PLXNC1: variants seen among roughly 807,000 people sequenced by gnomAD.
PLXNC1 encodes plexin C1.
Under a neutral mutation model 178.2 loss-of-function variants are expected in PLXNC1, and 75 were observed. That is an observed-to-expected ratio of 0.42 (90% CI 0.35 to 0.51). The LOEUF is 0.51. Among genes scored for constraint, PLXNC1 ranks in the 20% least tolerant of loss-of-function variants. The probability of loss-of-function intolerance (pLI) is 0.02; values close to 1 mark genes in which losing one functional copy is unlikely to be tolerated. For synonymous variants in PLXNC1, 790 were observed against 779.9 expected (o/e 1.01, Z -0.22); for missense variants, 1,503 against 1,984.4 (o/e 0.76, Z 4.61).
chr12:94,261,870 AT>A lies in PLXNC1; in HGVS notation c.3450+1040del, dbSNP rs914088020. Among the ~76,000 whole-genome samples the A allele has an allele frequency of 7.4e-3, 1,114 of 151,190 alleles. 15 individuals are homozygous for A. Among genetic ancestry groups the A allele is most frequent in the African/African-American group, 0.025 (1,046 of 41,362 alleles). ...CAATCTTACAAGTAGATGCACAACAATTTTTTTTTTAATTTCTCACCAACCC... is the reference window on the plus strand; with the variant it reads ...CAATCTTACAAGTAGATGCACAACAATTTTTTTTTAATTTCTCACCAACCC... On this transcript the variant is annotated intron_variant, in intron 20 of 30. Transcript: ENST00000258526.
chr12:94,196,740 G>C (rs917511072), intron 4 of PLXNC1, among the ~76,000 whole-genome samples: 3 of 152,116 alleles, frequency 2.0e-5, no homozygotes, highest in Non-Finnish European at 4.4e-5. Context: ...AGTGTGCATG[G>C]GTAGAGAAGA....
At position 94,212,722 on chromosome 12, in the gene PLXNC1, C is replaced by CTT. The variant is rs538048142; in HGVS notation, c.1554+3032_1554+3033dup. 1.5e-3 allele frequency among the ~76,000 whole-genome samples: 203 copies of CTT among 136,154 alleles called. 1 individual carries two copies. Among genetic ancestry groups the CTT allele is most frequent in the South Asian group, 7.7e-3 (33 of 4,278 alleles). 89.3% of individuals were successfully genotyped at this position (136,154 alleles called of 152,430 possible). ...GCCACATTTTCTTTTCTTTTCTTTT[C>CTT]TTTTTTTTTTTTTTTGAGATGGAGT... On this transcript the variant is annotated intron_variant, in intron 5 of 30. Transcript: ENST00000258526.
chr12:94,287,220 A>C (rs1309046822), intron 23 of PLXNC1, among the ~76,000 whole-genome samples: 1 of 152,234 alleles, frequency 6.6e-6, no homozygotes, highest in African/African-American at 2.4e-5. Context: ...GTGTCTTTAC[A>C]CATGAAGCCA....
At chr12:94,172,924 C>T (rs899269092) in intron 2 of PLXNC1, among the ~76,000 whole-genome samples, 2 of 152,066 alleles carry the variant, frequency 1.3e-5, no homozygotes, top group African/African-American at 4.8e-5. Context: ...AGACCTAAGT[C>T]CCTTTATAAG....
chr12:94,220,283 C>T (rs1353948346), intron 6 of PLXNC1, 120 bp downstream of exon 6: 4 of 903,124 alleles, frequency 4.4e-6, no homozygotes, highest in African/African-American at 1.7e-5. Context: ...TCCCTCACTA[C>T]CCCCTGGTTC....
At chr12:94,271,721 G>A (rs935674777) in intron 21 of PLXNC1, among the ~76,000 whole-genome samples, 8 of 152,230 alleles carry the variant, frequency 5.3e-5, no homozygotes, top group African/African-American at 1.9e-4. Flanking sequence ...CTTTCCTGGT[G>A]TGAAGTAGGT....
At chr12:94,242,734 A>C in intron 11 of PLXNC1, among the ~76,000 whole-genome samples, 1 of 152,192 alleles carries the variant, frequency 6.6e-6, no homozygotes, top group East Asian at 1.9e-4. Context: ...GGAGACATTG[A>C]TGTGGCATGC....
At chr12:94,254,679 CTGTTT>C in intron 15 of PLXNC1, 103 bp from the exon 16 acceptor site, 1 of 734,312 alleles carries the variant, frequency 1.4e-6, no homozygotes, top group Non-Finnish European at 2.4e-6. Context: ...CTGTCCCTAT[CTGTTT>C]TGTTTTTGTT....
At chr12:94,206,399 T>C (rs1449412239) in intron 4 of PLXNC1, among the ~76,000 whole-genome samples, 2 of 152,178 alleles carry the variant, frequency 1.3e-5, no homozygotes, top group African/African-American at 4.8e-5. Context: ...AAGAACAGCT[T>C]TCTTAAATAG....
intron 30 of PLXNC1, among the ~76,000 whole-genome samples, chr12:94,304,601 C>G (rs1031500853): frequency 3.9e-5 from 6 of 152,122 alleles, no homozygotes; most frequent in African/African-American, 1.2e-4. Context: ...GATTCCCCCC[C>G]AATCATGCTG....
rs979422954 is a variant in PLXNC1 at position 94,301,042 on chromosome 12, G to A, written c.4371G>A (p.Glu1457=). ...QAFMDAFSLT[E]QQLGKEAPTN... ...TCATGGATGCATTTTCTCTCACAGA[G>A]CAGCAACTAGGGAAGGTAAGGCCCA... Residue 1457 remains glutamate (E), a synonymous_variant, in exon 28 of 31, where the codon GAG becomes GAA. Coordinates refer to ENST00000258526, the MANE Select transcript of PLXNC1 (RefSeq NM_005761.3). 1.2e-6 allele frequency: 2 copies of A among 1,613,768 alleles called. No individual in the cohort carries two copies. The highest frequency in any genetic ancestry group is 2.2e-5 in the South Asian group (2 of 91,068).
chr12:94,282,065 G>T (rs776955131), intron 22 of PLXNC1: 8 of 452,500 alleles, frequency 1.8e-5, no homozygotes, highest in Non-Finnish European at 3.2e-5. Context: ...TGTCTTCAGT[G>T]GCTTTACTTC....
intron 2 of PLXNC1, among the ~76,000 whole-genome samples, chr12:94,173,286 C>T (rs773079257): frequency 5.9e-5 from 9 of 152,218 alleles, no homozygotes; most frequent in Non-Finnish European, 1.2e-4. Context: ...TTTGAGCTGA[C>T]TCTGTTGCCC....
intron 21 of PLXNC1, among the ~76,000 whole-genome samples, chr12:94,267,321 C>G (rs1267269602): frequency 6.6e-6 from 1 of 152,198 alleles, no homozygotes; most frequent in Non-Finnish European, 1.5e-5. Context: ...TAATGCTTTA[C>G]ATCTGAACGT....
chr12:94,227,320 A>C (rs960987684), intron 9 of PLXNC1, 85 bp downstream of exon 9: 5 of 756,474 alleles, frequency 6.6e-6, no homozygotes, highest in Admixed American at 5.4e-5. Context: ...GGGTTCCTTA[A>C]AAAAATTCTC....
rs1282983928 is a variant in PLXNC1 at position 94,240,562 on chromosome 12, T to C, written c.2198T>C (p.Val733Ala). The change falls in exon 11 of 31, where the codon GTG (valine) becomes GCG (alanine). Residue 733 changes from valine to alanine, a missense_variant. Val to Ala is a moderately conservative substitution (Grantham distance 64). This residue lies in a region of PLXNC1 where 615 missense variants were observed against 698.6 expected (regional missense o/e 0.88). Coordinates refer to ENST00000258526, the MANE Select transcript of PLXNC1 (RefSeq NM_005761.3). ...TCAAGCCGGAAAGAAATGAAGGATG[T>C]GTGTATCCAGTTTGATGGTGGGAAC... ...LPSSRKEMKD[V>A]CIQFDGGNCS... 6.2e-7 allele frequency: 1 copy of C among 1,613,932 alleles called. No homozygotes were observed. The highest frequency in any genetic ancestry group is 8.5e-7 in the Non-Finnish European group (1 of 1,179,766).
At chr12:94,152,269 G>T (rs958108236) in intron 1 of PLXNC1, among the ~76,000 whole-genome samples, 1 of 152,128 alleles carries the variant, frequency 6.6e-6, no homozygotes, top group Non-Finnish European at 1.5e-5. Context: ...AGAGGAGTTT[G>T]AATGAAAAAG....
chr12:94,264,984 C>A, intron 20 of PLXNC1, 95 bp from the exon 21 acceptor site: 1 of 1,251,952 alleles, frequency 8.0e-7, no homozygotes, highest in Non-Finnish European at 1.1e-6. Context: ...AAAACCCTGT[C>A]TCCTGCCTTA....
intron 23 of PLXNC1, among the ~76,000 whole-genome samples, chr12:94,288,239 T>C (rs1025085337): frequency 6.6e-6 from 1 of 152,200 alleles, no homozygotes; most frequent in African/African-American, 2.4e-5. Flanking sequence ...TCAAAATGCT[T>C]CCCTACTTCT....
Sources: allele counts gnomAD v4.1 joint callset (sites outside exome capture counted in the v4.1 genomes callset), GRCh38; gene constraint gnomAD v4.1.1; regional missense constraint gnomAD v4.1.1; transcripts MANE v1.5; gene names NCBI Gene and HGNC (gene_info 2026-07-23, HGNC 2026-07-21).